The following CAMTA1 variants were observed in gnomAD, a reference collection of about 807,000 sequenced individuals.
CAMTA1 encodes calmodulin binding transcription activator 1.
A neutral mutation model predicts 170.9 loss-of-function variants in CAMTA1; 27 were observed. That is an observed-to-expected ratio of 0.16 (90% CI 0.12 to 0.22). The LOEUF (loss-of-function observed/expected upper bound fraction) is 0.22, where lower values mean the gene tolerates loss of function less well. Ranked by LOEUF, CAMTA1 falls within the 10% of genes least tolerant of loss-of-function variation. The probability of loss-of-function intolerance (pLI) is 1.00; values close to 1 mark genes in which losing one functional copy is unlikely to be tolerated. For missense variants in CAMTA1, 1,619 were observed against 2,217.2 expected (o/e 0.73, Z 5.42); for synonymous variants, 833 against 891.5 (o/e 0.93, Z 1.17).
chr1:7,317,278 G>C (rs1031109345), intron 5 of CAMTA1, among the ~76,000 whole-genome samples: 2 of 152,188 alleles, frequency 1.3e-5, no homozygotes, highest in Admixed American at 6.5e-5. Flanking sequence ...CACTTAGTCT[G>C]GGACCTGGAA....
At position 7,737,487 on chromosome 1, in the gene CAMTA1, G is replaced by A; in HGVS notation, c.3575G>A (p.Ser1192Asn). 6.2e-7 allele frequency: 1 copy of A among 1,614,174 alleles called. No individual in the cohort carries two copies. Among genetic ancestry groups the A allele is most frequent in the Non-Finnish European group, 8.5e-7 (1 of 1,180,024 alleles). Residue 1192 changes from serine (S) to asparagine (N), a missense_variant, in exon 15 of 23, where the codon AGC (serine) becomes AAC (asparagine). Ser to Asn is a conservative substitution (Grantham distance 46). This residue lies in a region of CAMTA1 where 370 missense variants were observed against 429.4 expected (regional missense o/e 0.86). Transcript: ENST00000303635. ...CPASEEPSTESWMAQWHSEAI... is the reference protein window; with the variant it reads ...CPASEEPSTENWMAQWHSEAI... ...GCAAGCGAAGAGCCCAGCACAGAGA[G>A]CTGGATGGCCCAGTGGCACAGCGAA...
chr1:7,186,691 G>T lies in CAMTA1; in HGVS notation c.303-62800G>T, dbSNP rs1204643045. Among the ~76,000 whole-genome samples, 3 of 152,162 alleles carry T rather than the reference G, an allele frequency of 2.0e-5. No homozygotes were observed. The East Asian group carries it at 5.8e-4, about 29-fold the overall frequency. ...TTTTCTTAGGCTTACTTTAGAATGA[G>T]TTTTATTCATTCATTATTTAATTTA... On this transcript the variant is annotated intron_variant, in intron 4 of 22. Transcript: ENST00000303635.
Position 7,732,439 on chromosome 1 carries a change from C to T in CAMTA1, c.2915-9C>T. ...ACACAACCTCACTCTTCCTCCTGCTCTGCCCTAGATAACCAGTTCAGGATG... is the reference window on the plus strand; with the variant it reads ...ACACAACCTCACTCTTCCTCCTGCTTTGCCCTAGATAACCAGTTCAGGATG... On this transcript the variant is annotated splice_polypyrimidine_tract_variant and intron_variant, in intron 11 of 22. Transcript: ENST00000303635. This position sits in a 1 kb window ranked among gnomAD's most constrained non-coding sequence, Gnocchi z 4.1. 3 of 1,612,662 alleles carry T rather than the reference C, an allele frequency of 1.9e-6. No homozygotes were observed. Among genetic ancestry groups the T allele is most frequent in the Non-Finnish European group, 1.7e-6 (2 of 1,178,854 alleles).
chr1:6,792,259 G>C (rs1290151812), intron 1 of CAMTA1, among the ~76,000 whole-genome samples: 1 of 151,922 alleles, frequency 6.6e-6, no homozygotes, highest in Non-Finnish European at 1.5e-5. Context: ...TGCCTGGCCG[G>C]AAGTGTTTCC....
chr1:7,274,509 A>T (rs901209746), intron 5 of CAMTA1, among the ~76,000 whole-genome samples: 2 of 152,190 alleles, frequency 1.3e-5, no homozygotes, highest in African/African-American at 4.8e-5. Flanking sequence ...GTAGTGGGAG[A>T]TTCTTTTCTC....
At chr1:6,992,544 T>C (rs548389145) in intron 3 of CAMTA1, among the ~76,000 whole-genome samples, 7 of 152,332 alleles carry the variant, frequency 4.6e-5, no homozygotes, top group Admixed American at 2.0e-4. Context: ...AAGAAATACC[T>C]GAGACTGGGT....
intron 4 of CAMTA1, among the ~76,000 whole-genome samples, chr1:7,131,522 C>CTTTTTT (rs58819912): frequency 1.1e-4 from 14 of 126,688 alleles, no homozygotes; most frequent in Non-Finnish European, 1.4e-4. Context: ...ATCGTCTTTT[C>CTTTTTT]TTTTTTTTTT....
chr1:7,145,336 G>C (rs1455238748), intron 4 of CAMTA1, among the ~76,000 whole-genome samples: 1 of 152,146 alleles, frequency 6.6e-6, no homozygotes, highest in East Asian at 1.9e-4. Flanking sequence ...TTCATCTATT[G>C]TATTTATGGA....
chr1:6,885,891 C>T (rs544525491), intron 3 of CAMTA1, among the ~76,000 whole-genome samples: 3 of 152,266 alleles, frequency 2.0e-5, no homozygotes, highest in South Asian at 2.1e-4. Flanking sequence ...GAGGGCAGCC[C>T]GCATGCCACT....
At chr1:7,184,352 T>C (rs1037859034) in intron 4 of CAMTA1, among the ~76,000 whole-genome samples, 1 of 152,172 alleles carries the variant, frequency 6.6e-6, no homozygotes, top group African/African-American at 2.4e-5. Context: ...AATTGTAATT[T>C]AGAATTAACT....
chr1:6,919,140 C>G (rs545090114), intron 3 of CAMTA1, among the ~76,000 whole-genome samples: 139 of 152,334 alleles, frequency 9.1e-4, no homozygotes, highest in Non-Finnish European at 1.8e-3. Context: ...GGTGAGCCGC[C>G]CTGCCTCTGA....
intron 6 of CAMTA1, among the ~76,000 whole-genome samples, chr1:7,485,588 C>T (rs537781206): frequency 2.0e-5 from 3 of 152,360 alleles, no homozygotes; most frequent in South Asian, 2.1e-4. Flanking sequence ...GCAGGATCTT[C>T]TGCTGCTGGG....
chr1:6,807,719 C>CA (rs35402432), intron 1 of CAMTA1, among the ~76,000 whole-genome samples: 3,461 of 104,710 alleles, frequency 0.033, 41 homozygotes, highest in African/African-American at 0.05. Context: ...GACTTCATCT[C>CA]AAAAAAAAAA....
chr1:7,118,840 AC>A (rs1437623804), intron 4 of CAMTA1, among the ~76,000 whole-genome samples: 7 of 152,166 alleles, frequency 4.6e-5, no homozygotes, highest in African/African-American at 1.7e-4. Context: ...GGGAAACACA[AC>A]GGGAACCTTG....
intron 6 of CAMTA1, among the ~76,000 whole-genome samples, chr1:7,618,953 G>A (rs1284434428): frequency 1.3e-5 from 2 of 152,120 alleles, no homozygotes; most frequent in South Asian, 2.1e-4. Context: ...TAGACATAGG[G>A]AAGGGAAATA....
chr1:7,393,889 C>A (rs2089001138), intron 5 of CAMTA1, among the ~76,000 whole-genome samples: 2 of 152,202 alleles, frequency 1.3e-5, no homozygotes, highest in Non-Finnish European at 2.9e-5. Context: ...CTATTCTACT[C>A]TCTACGTCTA....
chr1:6,842,315 C>T (rs989680104), intron 3 of CAMTA1, among the ~76,000 whole-genome samples: 1 of 152,202 alleles, frequency 6.6e-6, no homozygotes, highest in African/African-American at 2.4e-5. Context: ...GTAAAAACGC[C>T]CTCGCCGTGA....
intron 12 of CAMTA1, among the ~76,000 whole-genome samples, chr1:7,734,185 G>C (rs1338018219): frequency 1.3e-5 from 2 of 152,192 alleles, no homozygotes; most frequent in South Asian, 2.1e-4. Flanking sequence ...AACCTCAGGT[G>C]ATCCGCCTGC....
At chr1:6,885,562 A>G (rs572927665) in intron 3 of CAMTA1, among the ~76,000 whole-genome samples, 14 of 152,350 alleles carry the variant, frequency 9.2e-5, no homozygotes, top group African/African-American at 3.4e-4. Context: ...TTTGGTCTGC[A>G]GTAGGCAAGC....
Sources: allele counts gnomAD v4.1 joint callset (sites outside exome capture counted in the v4.1 genomes callset), GRCh38; gene constraint gnomAD v4.1.1; regional missense constraint gnomAD v4.1.1; non-coding constraint Gnocchi (gnomAD v3.1); transcripts MANE v1.5; gene names NCBI Gene and HGNC (gene_info 2026-07-23, HGNC 2026-07-21).